Variants in CYP26C1 observed in about 807,000 individuals in gnomAD.
CYP26C1 encodes the protein cytochrome P450 family 26 subfamily C member 1, also known as cytochrome P450 26C1.
A neutral mutation model predicts 39.1 loss-of-function variants in CYP26C1; 41 were observed. That is an observed-to-expected ratio of 1.05 (90% CI 0.82 to 1.36). The LOEUF is 1.36. Among genes scored for constraint, CYP26C1 ranks in the 40% most tolerant of loss-of-function variants. The pLI, the probability that CYP26C1 is intolerant of heterozygous loss-of-function variation, is 0.00. For missense variants in CYP26C1, 833 were observed against 752.0 expected (o/e 1.11, Z -1.26); for synonymous variants, 362 against 350.8 (o/e 1.03, Z -0.36).
intron 5 of CYP26C1, among the ~76,000 whole-genome samples, chr10:93,066,683 C>G (rs1035916089): frequency 5.3e-5 from 8 of 152,224 alleles, no homozygotes; most frequent in African/African-American, 1.9e-4. Context: ...TCCTGTGCTC[C>G]ACCCCTCTGG....
At chr10:93,065,825 T>C (rs1846817132) in intron 4 of CYP26C1, 131 bp from the exon 5 acceptor site, 3 of 829,232 alleles carry the variant, frequency 3.6e-6, no homozygotes, top group Non-Finnish European at 5.0e-6. Flanking sequence ...GCGGCGGTAA[T>C]AGCACTTCCC....
At chr10:93,063,094 G>A (rs1383202932) in intron 3 of CYP26C1, 99 bp downstream of exon 3, 20 of 1,471,138 alleles carry the variant, frequency 1.4e-5, no homozygotes, top group Non-Finnish European at 1.6e-5. Context: ...CCGCGCGTCC[G>A]TCACCTCTGC....
At chr10:93,065,071 A>T (rs1382177097) in intron 4 of CYP26C1, among the ~76,000 whole-genome samples, 1 of 152,032 alleles carries the variant, frequency 6.6e-6, no homozygotes, top group Admixed American at 6.5e-5. Flanking sequence ...CCCCTTGTAC[A>T]CACATCGCAC....
chr10:93,066,349 GC>G (rs1846828851), intron 5 of CYP26C1, 64 bp downstream of exon 5: 9 of 1,234,608 alleles, frequency 7.3e-6, no homozygotes, highest in African/African-American at 1.6e-5. Context: ...CCTGCCGCCT[GC>G]CGCCTGCCGC....
At chr10:93,066,866 T>C (rs1380202062) in intron 5 of CYP26C1, among the ~76,000 whole-genome samples, 1 of 152,198 alleles carries the variant, frequency 6.6e-6, no homozygotes, top group African/African-American at 2.4e-5. Flanking sequence ...CGTATGACCT[T>C]GGGCAGTTCC....
rs1846744577 is a variant in CYP26C1, at chr10:93,061,320, C to T, written c.57C>T (p.Leu19=). The change falls in exon 1 of 6, where the codon CTC becomes CTT. Residue 19 remains leucine (L), a synonymous_variant. Transcript: ENST00000651965. ...TGCTGGGGGCGGCGGGCACTGCTCT[C>T]CTGTGCGCGGGCCTGCTGCTCAGCC... is the stretch of plus-strand genomic sequence containing the variant. ...LSVLGAAGTA[L]LCAGLLLSLA... is the part of the protein sequence containing the mutation. The T allele has an allele frequency of 6.3e-7, 1 of 1,596,708 alleles. No individual in the cohort carries two copies. Among genetic ancestry groups the T allele is most frequent in the Non-Finnish European group, 8.5e-7 (1 of 1,172,686 alleles).
Position 93,063,000 on chromosome 10 carries a change from G to A in CYP26C1, c.705+5G>A, listed in dbSNP as rs760324459. 5.2e-6 allele frequency: 8 copies of A among 1,551,684 alleles called. No individual in the cohort carries two copies. Among genetic ancestry groups the A allele is most frequent in the Non-Finnish European group, 6.1e-6 (7 of 1,150,492 alleles). On this transcript the variant is annotated splice_donor_5th_base_variant and intron_variant, in intron 3 of 5. Transcript: ENST00000651965. ...CCCTTCAGTGGCCTACGCAAGGTAC[G>A]GCCGCCCCGGCTCCAGACCTTCCTC...
intron 3 of CYP26C1, chr10:93,063,427 G>A: frequency 1.0e-6 from 1 of 992,760 alleles, no homozygotes; most frequent in Non-Finnish European, 1.2e-6. Context: ...CCCCGGTCCA[G>A]CCCAGCGCCA....
In CYP26C1 at chr10:93,066,241, G is replaced by C. The variant is rs746074087; in HGVS notation, c.1147G>C (p.Val383Leu). The change falls in exon 5 of 6, where the codon GTG (valine) becomes CTG (leucine). Residue 383 changes from valine (V) to leucine (L), a missense_variant. Val to Leu is a conservative substitution (Grantham distance 32). Coordinates refer to ENST00000651965, the MANE Select transcript of CYP26C1 (RefSeq NM_183374.3). ...VKEVLRLLPP[V>L]SGGYRTALRT... ...GGAGGTGCTGCGCCTCCTGCCGCCA[G>C]TGTCCGGGGGCTACCGCACCGCCCT... 5.4e-6 allele frequency: 8 copies of C among 1,469,044 alleles called. No homozygotes were observed. The highest frequency in any genetic ancestry group is 7.2e-6 in the Non-Finnish European group (8 of 1,112,944). 91.0% of individuals were successfully genotyped at this position (1,469,044 alleles called of 1,614,324 possible).
intron 3 of CYP26C1, chr10:93,064,098 C>A: frequency 8.3e-7 from 1 of 1,199,374 alleles, no homozygotes; most frequent in Non-Finnish European, 1.1e-6. Context: ...TGGGCAATTG[C>A]TTGACCTCTC....
rs775611934 is a variant in CYP26C1 at position 93,068,362 on chromosome 10, C to T, written c.1234C>T (p.Arg412Trp). 3 of 1,565,134 alleles carry T rather than the reference C, an allele frequency of 1.9e-6. No individual in the cohort carries two copies. Among genetic ancestry groups the T allele is most frequent in the Non-Finnish European group, 1.7e-6 (2 of 1,158,236 alleles). ...GGGCTGGAGCGTGATGTATAGCATC[C>T]GGGACACGCACGAGACGGCTGCGGT... is the stretch of plus-strand genomic sequence containing the variant. The part of the protein sequence containing the change: ...PKGWSVMYSI[R>W]DTHETAAVYR... The change falls in exon 6 of 6, where the codon CGG (arginine) becomes TGG (tryptophan). Residue 412 changes from arginine (R) to tryptophan (W), a missense_variant. Arg to Trp is a moderately radical substitution (Grantham distance 101). Transcript: ENST00000651965.
chr10:93,062,766 C>G lies in CYP26C1; in HGVS notation c.476C>G (p.Pro159Arg). Residue 159 changes from proline (P) to arginine (R), a missense_variant, in exon 3 of 6, where the codon CCG becomes CGG. Coordinates refer to ENST00000651965, the MANE Select transcript of CYP26C1 (RefSeq NM_183374.3). ...FSRAALERYVPRLQGALRHEV... is the reference protein window; with the variant it reads ...FSRAALERYVRRLQGALRHEV... ...CGCGCCGCGCTGGAGCGCTACGTGC[C>G]GCGCCTGCAGGGGGCGCTGCGGCAT... is the stretch of plus-strand genomic sequence containing the variant. The G allele has an allele frequency of 6.6e-7, 1 of 1,506,016 alleles. No individual in the cohort carries two copies. The highest frequency in any genetic ancestry group is 8.8e-7 in the Non-Finnish European group (1 of 1,135,342). The allele number at this position is 1,506,016 out of a possible 1,614,324, so 93.3% of individuals were successfully genotyped here.
chr10:93,067,126 T>A (rs1306266233), intron 5 of CYP26C1, among the ~76,000 whole-genome samples: 2 of 152,236 alleles, frequency 1.3e-5, no homozygotes, highest in African/African-American at 2.4e-5. Flanking sequence ...TGTGGCACAT[T>A]GCGTGCCAGG....
At chr10:93,066,358 C>A (rs893233345) in intron 5 of CYP26C1, 73 bp downstream of exon 5, 15 of 837,754 alleles carry the variant, frequency 1.8e-5, no homozygotes, top group Non-Finnish European at 2.2e-5. Context: ...TGCCGCCTGC[C>A]GCGGCGGCGC....
chr10:93,061,955 A>T (rs1481964416), intron 1 of CYP26C1, 55 bp from the exon 2 acceptor site: 2 of 1,509,044 alleles, frequency 1.3e-6, no homozygotes. Flanking sequence ...GGTCTGGGTC[A>T]GATCCCAGCC....
chr10:93,061,081 CT>C lies in CYP26C1; in HGVS notation c.-180del. On this transcript the variant is annotated 5_prime_UTR_variant, in exon 1 of 6. Coordinates refer to ENST00000651965, the MANE Select transcript of CYP26C1 (RefSeq NM_183374.3). ...CCTAAGGGCGCACGGTCACTGCAGT[CT>C]TTCACCGTCCGTCTGTTTTTAGAAC... is the stretch of plus-strand genomic sequence containing the variant. 2 of 637,742 alleles carry C rather than the reference CT, an allele frequency of 3.1e-6. No individual in the cohort carries two copies. Among genetic ancestry groups the C allele is most frequent in the South Asian group, 4.2e-5 (2 of 47,222 alleles). The allele number at this position is 637,742 out of a possible 1,614,324, so 39.5% of individuals were successfully genotyped here. A position where few individuals can be genotyped will look rare whatever the true frequency, so the allele number is the denominator to read the frequency against.
chr10:93,062,130 G>C lies in CYP26C1; in HGVS notation c.325G>C (p.Glu109Gln). The change falls in exon 2 of 6, where the codon GAG (glutamate) becomes CAG (glutamine). Residue 109 changes from glutamate to glutamine, a missense_variant. Coordinates refer to ENST00000651965, the MANE Select transcript of CYP26C1 (RefSeq NM_183374.3). Reference protein sequence around the residue: ...AENVRTILLGEHRLVRSQWPQ... With the variant: ...AENVRTILLGQHRLVRSQWPQ... ...GAACGTGCGCACCATCCTGCTGGGC[G>C]AGCACCGCCTGGTGCGCAGCCAGTG... 6.5e-7 allele frequency: 1 copy of C among 1,549,452 alleles called. No individual in the cohort carries two copies. Among genetic ancestry groups the C allele is most frequent in the Non-Finnish European group, 8.7e-7 (1 of 1,148,924 alleles).
rs58993699 is a variant in CYP26C1, at chr10:93,062,999, C to T, written c.705+4C>T. 23,513 of 1,549,784 alleles carry T rather than the reference C, an allele frequency of 0.015. 421 individuals carry two copies. Among genetic ancestry groups the T allele is most frequent in the African/African-American group, 0.083 (5,946 of 71,486 alleles). ...TCCCTTCAGTGGCCTACGCAAGGTA[C>T]GGCCGCCCCGGCTCCAGACCTTCCT... On this transcript the variant is annotated splice_donor_region_variant and intron_variant, in intron 3 of 5. Coordinates refer to ENST00000651965, the MANE Select transcript of CYP26C1 (RefSeq NM_183374.3).
intron 3 of CYP26C1, chr10:93,063,712 T>A (rs1846780833): frequency 1.0e-6 from 1 of 983,226 alleles, no homozygotes; most frequent in Non-Finnish European, 1.2e-6. Context: ...CCTCGCAGCC[T>A]GCAAAGTGTT....
Sources: gnomAD v4.1 joint callset for allele counts (sites outside exome capture counted in the v4.1 genomes callset) on GRCh38, gnomAD v4.1.1 for gene constraint, MANE v1.5 for transcripts, NCBI Gene and HGNC (gene_info 2026-07-23, HGNC 2026-07-21) for gene names.